TTC12: variants seen among roughly 807,000 people sequenced by gnomAD.
TTC12 encodes tetratricopeptide repeat domain 12.
In TTC12, 70 loss-of-function variants were observed where a neutral mutation model predicts 90.1. That is an observed-to-expected ratio of 0.78 (90% CI 0.64 to 0.95). The LOEUF is 0.95. TTC12 is among the 40% of genes least tolerant of loss of function. The pLI, the probability that TTC12 is intolerant of heterozygous loss-of-function variation, is 0.00. For missense variants in TTC12, 819 were observed against 846.1 expected (o/e 0.97, Z 0.40); for synonymous variants, 296 against 311.5 (o/e 0.95, Z 0.53).
rs1565589673 is a variant in TTC12 at position 113,335,010 on chromosome 11, C to T, written c.549C>T (p.Ala183=). Residue 183 remains alanine (A), a synonymous_variant, in exon 8 of 22, where the codon GCC becomes GCT. Transcript: ENST00000529221. The part of the protein sequence containing the change: ...CTKAYFHMGK[A]NLALKNYSVS... ...AAGCATATTTTCACATGGGAAAAGC[C>T]AACCTGGCCCTGAAGAACTACAGTG... 1 of 1,613,784 alleles carries T rather than the reference C, an allele frequency of 6.2e-7. No individual in the cohort carries two copies. The highest frequency in any genetic ancestry group is 8.5e-7 in the Non-Finnish European group (1 of 1,179,716).
intron 17 of TTC12, 148 bp downstream of exon 17, chr11:113,359,609 C>T (rs1949804875): frequency 3.2e-6 from 2 of 634,414 alleles, no homozygotes; most frequent in South Asian, 2.0e-5. Context: ...GGGATGCGCT[C>T]TCCCTTTGCT....
In TTC12 at chr11:113,331,642, A is replaced by G. The variant is rs186438458; in HGVS notation, c.504+1663A>G. Among the ~76,000 whole-genome samples the G allele has an allele frequency of 1.2e-3, 181 of 152,340 alleles. 1 individual carries two copies. The highest frequency in any genetic ancestry group is 4.1e-3 in the African/African-American group (171 of 41,582). Reference sequence around the variant, plus strand: ...ACGATCTCCTCACAGGTTCACCAAGAGTATCTTTTCTGATCTGAAAAAGGC... The same window carrying G: ...ACGATCTCCTCACAGGTTCACCAAGGGTATCTTTTCTGATCTGAAAAAGGC... On this transcript the variant is annotated intron_variant, in intron 7 of 21. Coordinates refer to ENST00000529221, the MANE Select transcript of TTC12 (RefSeq NM_017868.4).
chr11:113,340,932 T>C (rs1035046612), intron 11 of TTC12, among the ~76,000 whole-genome samples, 199 bp downstream of exon 11: 2 of 152,186 alleles, frequency 1.3e-5, no homozygotes, highest in Admixed American at 6.5e-5. Context: ...GGAGTTACAC[T>C]GCAGCTAACA....
At chr11:113,342,609 A>G (rs1470663115) in intron 12 of TTC12, among the ~76,000 whole-genome samples, 2 of 152,234 alleles carry the variant, frequency 1.3e-5, no homozygotes, top group African/African-American at 2.4e-5. Flanking sequence ...GGAGCCAGCA[A>G]TAGAGCTTGT....
chr11:113,337,977 CTACTT>C (rs1274828746), intron 8 of TTC12, among the ~76,000 whole-genome samples: 6 of 152,196 alleles, frequency 3.9e-5, no homozygotes, highest in Non-Finnish European at 7.3e-5. Flanking sequence ...ACACTGTTCT[CTACTT>C]TAATGTGTTA....
intron 7 of TTC12, among the ~76,000 whole-genome samples, chr11:113,333,262 C>T (rs1200983366): frequency 3.9e-5 from 6 of 152,080 alleles, no homozygotes; most frequent in East Asian, 1.9e-4. Context: ...GGACCGTCCC[C>T]GGAGCCCCCT....
intron 8 of TTC12, 108 bp from the exon 9 acceptor site, chr11:113,338,666 G>C (rs899997846): frequency 7.8e-6 from 6 of 768,082 alleles, no homozygotes; most frequent in Non-Finnish European, 8.8e-6. Context: ...GGGAGCAGGA[G>C]GAGGTGAGGA....
intron 13 of TTC12, among the ~76,000 whole-genome samples, chr11:113,348,651 C>G (rs1949101444): frequency 1.3e-5 from 2 of 152,206 alleles, no homozygotes; most frequent in Non-Finnish European, 2.9e-5. Context: ...AAGGCTGGTT[C>G]TCCAATTACT....
intron 13 of TTC12, among the ~76,000 whole-genome samples, chr11:113,347,152 T>A (rs1591587715): frequency 6.6e-6 from 1 of 152,236 alleles, no homozygotes; most frequent in East Asian, 1.9e-4. Context: ...GCAGTCATCT[T>A]CAAGACCGAA....
At chr11:113,356,625 A>G (rs1219864822) in intron 16 of TTC12, among the ~76,000 whole-genome samples, 2 of 152,180 alleles carry the variant, frequency 1.3e-5, no homozygotes, top group South Asian at 4.1e-4. Flanking sequence ...GAGCTCTGGT[A>G]TGACAGGTCT....
rs767517450 is a variant in TTC12 at position 113,364,897 on chromosome 11, C to T, written c.1879C>T (p.Leu627Phe). 1.2e-6 allele frequency: 2 copies of T among 1,614,096 alleles called. No homozygotes were observed. The highest frequency in any genetic ancestry group is 2.7e-5 in the African/African-American group (2 of 74,928). Reference sequence around the variant, plus strand: ...TGAGGTTCTGGTGGGCAACGCTGCCCTCTGCCTTGGTAACTGCATGGAGGT... The same window carrying T: ...TGAGGTTCTGGTGGGCAACGCTGCCTTCTGCCTTGGTAACTGCATGGAGGT... ...EDEVLVGNAA[L>F]CLGNCMEVPN... The change falls in exon 21 of 22, where the codon CTC becomes TTC. Residue 627 changes from leucine to phenylalanine, a missense_variant. Coordinates refer to ENST00000529221, the MANE Select transcript of TTC12 (RefSeq NM_017868.4).
chr11:113,366,389 T>C, downstream of TTC12: 5 of 1,582,652 alleles, frequency 3.2e-6, no homozygotes, highest in Non-Finnish European at 4.3e-6. Context: ...ATGTATCCAC[T>C]TCAGAATCAA....
chr11:113,339,621 G>A (rs568458850), intron 10 of TTC12, 147 bp downstream of exon 10: 3 of 719,492 alleles, frequency 4.2e-6, no homozygotes, highest in African/African-American at 1.8e-5. Context: ...TAAAAGGGGT[G>A]CACAAGAAAT....
intron 2 of TTC12, 101 bp from the exon 3 acceptor site, chr11:113,323,187 T>C (rs1283907119): frequency 9.4e-6 from 9 of 954,644 alleles, no homozygotes; most frequent in Non-Finnish European, 1.3e-5. Flanking sequence ...TCTATTTTTT[T>C]CTTTAAGATC....
At chr11:113,368,312 C>G, downstream of TTC12, 3 of 1,542,392 alleles carry the variant, frequency 1.9e-6, no homozygotes. Context: ...GTGGATCCAC[C>G]CCCGCCACCG....
At chr11:113,346,751 GAAAA>G (rs58619294) in intron 13 of TTC12, among the ~76,000 whole-genome samples, 4 of 57,534 alleles carry the variant, frequency 7.0e-5, no homozygotes, top group Admixed American at 2.0e-4. Flanking sequence ...ATCTGCTACA[GAAAA>G]AAAAAAAAAA....
At chr11:113,370,975 C>G (rs556521733), downstream of TTC12, among the ~76,000 whole-genome samples, 8 of 152,180 alleles carry the variant, frequency 5.3e-5, no homozygotes, top group African/African-American at 9.7e-5. Context: ...CACACCCCCA[C>G]ACACACGGAA....
chr11:113,321,913 T>G (rs1947359904), intron 2 of TTC12, among the ~76,000 whole-genome samples: 1 of 152,170 alleles, frequency 6.6e-6, no homozygotes. Context: ...AAACCAGAAC[T>G]GGCCAGCTGA....
rs1555155531 is a variant in TTC12, at chr11:113,362,425, A to T, written c.1639A>T (p.Thr547Ser). 9 of 1,613,870 alleles carry T rather than the reference A, an allele frequency of 5.6e-6. No individual in the cohort carries two copies. Among genetic ancestry groups the T allele is most frequent in the African/African-American group, 1.3e-5 (1 of 74,922 alleles). Residue 547 changes from threonine (T) to serine (S), a missense_variant, in exon 19 of 22, where the codon ACC becomes TCC. Coordinates refer to ENST00000529221, the MANE Select transcript of TTC12 (RefSeq NM_017868.4). ...GAGAGCTGCTGGTGTTCTGAGCCGG[A>T]CCCTTTCTTCCTCTCTGAAAATTGT... ...LTRAAGVLSR[T>S]LSSSLKIVEE...
Sources: gnomAD v4.1 joint callset for allele counts (sites outside exome capture counted in the v4.1 genomes callset) on GRCh38, gnomAD v4.1.1 for gene constraint, MANE v1.5 for transcripts, NCBI Gene and HGNC (gene_info 2026-07-23, HGNC 2026-07-21) for gene names.